Variants in SLC24A4 observed in about 807,000 individuals in gnomAD.
SLC24A4 encodes the protein solute carrier family 24 member 4.
A neutral mutation model predicts 79.0 loss-of-function variants in SLC24A4; 53 were observed. The observed-to-expected ratio is 0.67, with a 90% confidence interval of 0.54 to 0.84. SLC24A4 has a LOEUF of 0.84. Among genes scored for constraint, SLC24A4 ranks in the 40% least tolerant of loss-of-function variants. The pLI is 0.00. For synonymous variants in SLC24A4, 323 were observed against 323.8 expected, an observed-to-expected ratio of 1.00 and a Z score of 0.03; for missense variants, 731 against 822.0, an observed-to-expected ratio of 0.89 and a Z score of 1.35.
At chr14:92,386,500 G>C (rs544250363) in intron 2 of SLC24A4, among the ~76,000 whole-genome samples, 1 of 152,318 alleles carries the variant, frequency 6.6e-6, no homozygotes, top group East Asian at 1.9e-4. Context: ...GAAAGACCCT[G>C]CCCTGTGGAG....
intron 13 of SLC24A4, chr14:92,483,991 A>G (rs1337371931): frequency 1.3e-5 from 13 of 985,290 alleles, no homozygotes; most frequent in Non-Finnish European, 1.6e-5. Flanking sequence ...CCTGGATCAC[A>G]TGAGAACAGC....
chr14:92,486,709 T>C lies in SLC24A4; in HGVS notation c.1466T>C (p.Met489Thr), dbSNP rs764028757. ...GYTLGIPDVI[M>T]GITFLAAGTS... ...ACACTTGGGATCCCGGATGTCATCA[T>C]GGGCATTACTTTCCTGGCAGCAGGG... is the stretch of plus-strand genomic sequence containing the variant. The change falls in exon 14 of 17, where the codon ATG (methionine) becomes ACG (threonine). Residue 489 changes from methionine to threonine, a missense_variant. Coordinates refer to ENST00000532405, the MANE Select transcript of SLC24A4 (RefSeq NM_153646.4). 4.3e-6 allele frequency: 7 copies of C among 1,614,170 alleles called. 1 individual carries two copies. The South Asian group carries it at 7.7e-5, about 18-fold the overall frequency.
At chr14:92,452,254 A>G (rs954269037) in intron 10 of SLC24A4, 2 of 152,192 alleles carry the variant, frequency 1.3e-5, no homozygotes, top group African/African-American at 2.4e-5. Flanking sequence ...AGTACCTGGC[A>G]TGGGGTTGGT....
intron 12 of SLC24A4, among the ~76,000 whole-genome samples, chr14:92,472,044 T>A (rs546200854): frequency 2.6e-5 from 4 of 152,164 alleles, no homozygotes; most frequent in Non-Finnish European, 5.9e-5. Context: ...GCCCTTCAGT[T>A]CTCATAGATA....
chr14:92,375,942 A>ATGACATTGTGACTGTACAAAATGCTAC (rs1324784448), intron 2 of SLC24A4, among the ~76,000 whole-genome samples: 2 of 152,248 alleles, frequency 1.3e-5, no homozygotes, highest in African/African-American at 4.8e-5. Flanking sequence ...TGCTGGTTGC[A>ATGACATTGTGACTGTACAAAATGCTAC]TGACATTGTG....
intron 2 of SLC24A4, among the ~76,000 whole-genome samples, chr14:92,352,561 C>T (rs1886954534): frequency 6.6e-6 from 1 of 152,176 alleles, no homozygotes; most frequent in Non-Finnish European, 1.5e-5. Flanking sequence ...AGATTAGGTT[C>T]TGTTTTCAGA....
rs1032796006 is a variant in SLC24A4 at position 92,398,210 on chromosome 14, G to A, written c.242-35702G>A. ...TGGTTGAAACATGCCCTCATGGTTGGTAAATTGGTAGTCAGAAGCCATTTA... is the reference window on the plus strand; with the variant it reads ...TGGTTGAAACATGCCCTCATGGTTGATAAATTGGTAGTCAGAAGCCATTTA... On this transcript the variant is annotated intron_variant, in intron 2 of 16. Transcript: ENST00000532405. The surrounding 1 kb of genome is among the most constrained non-coding windows in gnomAD (Gnocchi z 4.1). Among the ~76,000 whole-genome samples, 3 of 152,232 alleles carry A rather than the reference G, an allele frequency of 2.0e-5. No homozygotes were observed. The highest frequency in any genetic ancestry group is 2.0e-4 in the Admixed American group (3 of 15,282).
chr14:92,423,696 G>A (rs1383363393), intron 2 of SLC24A4, among the ~76,000 whole-genome samples: 8 of 152,186 alleles, frequency 5.3e-5, no homozygotes, highest in African/African-American at 1.7e-4. Flanking sequence ...CATCACTTGC[G>A]TTTGGTAAAG....
chr14:92,432,728 G>A (rs970135111), intron 2 of SLC24A4, among the ~76,000 whole-genome samples: 14 of 152,238 alleles, frequency 9.2e-5, no homozygotes, highest in Non-Finnish European at 2.1e-4. Flanking sequence ...TTTTCTGGGT[G>A]TCTGGGGAGC....
intron 12 of SLC24A4, among the ~76,000 whole-genome samples, chr14:92,482,328 C>T (rs1837619852): frequency 6.6e-6 from 1 of 152,210 alleles, no homozygotes; most frequent in Non-Finnish European, 1.5e-5. Context: ...TCTCAAGGTC[C>T]TTTGACTTCC....
chr14:92,467,862 C>G (rs1894208059), intron 12 of SLC24A4, among the ~76,000 whole-genome samples: 1 of 152,204 alleles, frequency 6.6e-6, no homozygotes, highest in Non-Finnish European at 1.5e-5. Flanking sequence ...TGTGCTGATG[C>G]TGCAGCAAAA....
intron 2 of SLC24A4, among the ~76,000 whole-genome samples, chr14:92,397,232 A>T (rs1889826775): frequency 6.6e-6 from 1 of 152,168 alleles, no homozygotes; most frequent in South Asian, 2.1e-4. Context: ...TGGAATGCAG[A>T]AGTATCTGTT....
chr14:92,403,604 T>C (rs1199223243), intron 2 of SLC24A4, among the ~76,000 whole-genome samples: 5 of 140,458 alleles, frequency 3.6e-5, no homozygotes, highest in African/African-American at 1.4e-4. Context: ...CGAGACTCCA[T>C]CTAAAAAAAA....
At chr14:92,343,643 TCTTTCCTTCTTTCC>T (rs1886327005) in intron 2 of SLC24A4, among the ~76,000 whole-genome samples, 115 of 112,246 alleles carry the variant, frequency 1.0e-3, no homozygotes, top group African/African-American at 3.6e-3. Flanking sequence ...TTTCTTTCTC[TCTTTCCTTCTTTCC>T]TTCCTTCCTT....
At chr14:92,339,642 G>C (rs541923918) in intron 2 of SLC24A4, among the ~76,000 whole-genome samples, 26 of 152,242 alleles carry the variant, frequency 1.7e-4, no homozygotes, top group Admixed American at 1.6e-3. Flanking sequence ...GGGCGCGGGT[G>C]GGTATGGGTG....
chr14:92,493,976 A>G lies in SLC24A4; in HGVS notation c.*348A>G. On this transcript the variant is annotated 3_prime_UTR_variant, in exon 17 of 17. Coordinates refer to ENST00000532405, the MANE Select transcript of SLC24A4 (RefSeq NM_153646.4). ...CATGCAGTTTGTCTTTCTGTTCTGC[A>G]GGCAGCTTCAGAATTGAGGTCATTT... The G allele has an allele frequency of 4.4e-6, 1 of 228,714 alleles. No individual in the cohort carries two copies. Among genetic ancestry groups the G allele is most frequent in the East Asian group, 1.0e-4 (1 of 9,746 alleles). The allele number at this position is 228,714 out of a possible 1,614,324, so 14.2% of individuals were successfully genotyped here.
At chr14:92,361,596 C>T (rs1887526499) in intron 2 of SLC24A4, among the ~76,000 whole-genome samples, 1 of 152,148 alleles carries the variant, frequency 6.6e-6, no homozygotes, top group African/African-American at 2.4e-5. Context: ...ATGCTGGAGA[C>T]AGCAATAACG....
chr14:92,469,172 A>G (rs1405260999), intron 12 of SLC24A4, among the ~76,000 whole-genome samples: 1 of 152,098 alleles, frequency 6.6e-6, no homozygotes, highest in Non-Finnish European at 1.5e-5. Context: ...TGGTGAGGGG[A>G]TGGGAAAATT....
At chr14:92,335,553 G>C (rs1885739719) in intron 2 of SLC24A4, among the ~76,000 whole-genome samples, 1 of 151,772 alleles carries the variant, frequency 6.6e-6, no homozygotes, top group South Asian at 2.1e-4. Flanking sequence ...AGTAGAGATG[G>C]GGTTTCACCA....
Sources: allele counts gnomAD v4.1 joint callset (sites outside exome capture counted in the v4.1 genomes callset), GRCh38; gene constraint gnomAD v4.1.1; non-coding constraint Gnocchi (gnomAD v3.1); transcripts MANE v1.5; gene names NCBI Gene and HGNC (gene_info 2026-07-23, HGNC 2026-07-21).